The following SCML2 variants were observed in gnomAD, a reference collection of about 807,000 sequenced individuals.
SCML2 encodes the protein sex comb on midleg-like protein 2.
Under a neutral mutation model 48.4 loss-of-function variants are expected in SCML2, and 6 were observed. That is an observed-to-expected ratio of 0.12 (90% CI 0.07 to 0.24). The LOEUF is 0.24. Among genes scored for constraint, SCML2 ranks in the 10% least tolerant of loss-of-function variants. The pLI is 1.00. For missense variants in SCML2, 377 were observed against 528.2 expected, an observed-to-expected ratio of 0.71 and a Z score of 2.81; for synonymous variants, 181 against 189.5, an observed-to-expected ratio of 0.95 and a Z score of 0.37.
intron 1 of SCML2, among the ~76,000 whole-genome samples, chrX:18,342,824 T>C (rs1454096511): frequency 2.7e-5 from 3 of 112,237 alleles, no homozygotes; most frequent in Non-Finnish European, 5.6e-5. Flanking sequence ...TTGCAGATTG[T>C]ATCTTGTTAC....
intron 7 of SCML2, among the ~76,000 whole-genome samples, chrX:18,275,001 C>G (rs1267357529): frequency 1.8e-5 from 2 of 112,173 alleles, no homozygotes; most frequent in Non-Finnish European, 3.8e-5. Context: ...ATAACTCTTT[C>G]AACCAATTGC....
intron 1 of SCML2, among the ~76,000 whole-genome samples, chrX:18,348,537 C>A (rs944511731): frequency 3.6e-5 from 4 of 111,799 alleles, no homozygotes; most frequent in Admixed American, 1.9e-4. Context: ...CAAAAAAAAT[C>A]TCAAATCAGA....
intron 11 of SCML2, among the ~76,000 whole-genome samples, chrX:18,248,104 G>A (rs1309099488): frequency 9.0e-6 from 1 of 111,553 alleles, no homozygotes; most frequent in South Asian, 3.7e-4. Context: ...TTTCCAGAAG[G>A]AGCATATCTA....
At chrX:18,310,514 C>A (rs1157534869) in intron 6 of SCML2, among the ~76,000 whole-genome samples, 1 of 111,023 alleles carries the variant, frequency 9.0e-6, no homozygotes, top group East Asian at 2.8e-4. Context: ...GATCCACCCA[C>A]CTCGGCCTCC....
chrX:18,307,665 C>G (rs968272806), intron 6 of SCML2, among the ~76,000 whole-genome samples: 1 of 111,726 alleles, frequency 9.0e-6, no homozygotes, highest in African/African-American at 3.3e-5. Context: ...TGCAATAGAA[C>G]TAATTTTAAG....
At chrX:18,334,445 A>G (rs935130828) in intron 1 of SCML2, among the ~76,000 whole-genome samples, 1 of 111,826 alleles carries the variant, frequency 8.9e-6, no homozygotes, top group African/African-American at 3.2e-5. Context: ...TTTAAAATTA[A>G]TTGAGTAAAA....
At chrX:18,246,927 C>A in intron 12 of SCML2, 99 bp from the exon 13 acceptor site, 1 of 890,364 alleles carries the variant, frequency 1.1e-6, no homozygotes, top group Non-Finnish European at 1.6e-6. Flanking sequence ...GTTCACTTAA[C>A]TTGTGCTATA....
At chrX:18,260,975 G>A (rs1235774331) in intron 8 of SCML2, among the ~76,000 whole-genome samples, 1 of 109,393 alleles carries the variant, frequency 9.1e-6, no homozygotes, top group East Asian at 2.8e-4. Flanking sequence ...AGGGACTCCT[G>A]TGCATAGAAA....
chrX:18,313,711 T>C (rs959309522), intron 6 of SCML2, among the ~76,000 whole-genome samples: 5 of 111,922 alleles, frequency 4.5e-5, no homozygotes, highest in African/African-American at 1.6e-4. Context: ...ACCTTAACCA[T>C]TCTCCTTGAG....
At chrX:18,281,992 G>A (rs1439030081) in intron 7 of SCML2, among the ~76,000 whole-genome samples, 7 of 106,943 alleles carry the variant, frequency 6.5e-5, no homozygotes, top group East Asian at 3.1e-4. Flanking sequence ...GCGTGGTGGC[G>A]TGCACCTGTA....
At chrX:18,253,504 A>G (rs1926737361) in intron 11 of SCML2, among the ~76,000 whole-genome samples, 1 of 111,908 alleles carries the variant, frequency 8.9e-6, no homozygotes, top group Non-Finnish European at 1.9e-5. Context: ...ATGGACAGAA[A>G]AGATCAAAGA....
intron 11 of SCML2, among the ~76,000 whole-genome samples, chrX:18,254,063 T>C (rs1926756113): frequency 8.9e-6 from 1 of 111,870 alleles, no homozygotes; most frequent in Non-Finnish European, 1.9e-5. Flanking sequence ...AGGGTACTAG[T>C]AATAGCTACT....
At chrX:18,353,564 T>C (rs145926052) in intron 1 of SCML2, among the ~76,000 whole-genome samples, 4,640 of 112,779 alleles carry the variant, frequency 0.041, 95 homozygotes, top group Non-Finnish European at 0.064. Context: ...AAGTAAGTCA[T>C]AAACGTTAAT....
intron 8 of SCML2, among the ~76,000 whole-genome samples, chrX:18,264,179 T>C (rs1274872384): frequency 2.7e-5 from 3 of 111,651 alleles, no homozygotes; most frequent in Non-Finnish European, 5.6e-5. Flanking sequence ...TATTGGACCT[T>C]TGATATTATC....
intron 11 of SCML2, among the ~76,000 whole-genome samples, chrX:18,250,001 C>T (rs948443971): frequency 3.6e-5 from 4 of 111,142 alleles, no homozygotes; most frequent in East Asian, 5.6e-4. Flanking sequence ...CAGAATTAGT[C>T]GAGGAAAAGT....
intron 7 of SCML2, among the ~76,000 whole-genome samples, chrX:18,276,419 G>A (rs1927640088): frequency 9.0e-6 from 1 of 111,669 alleles, no homozygotes; most frequent in Non-Finnish European, 1.9e-5. Context: ...ATATATATGT[G>A]AGTGGAATTG....
chrX:18,334,212 G>T, intron 1 of SCML2, 117 bp from the exon 2 acceptor site: 1 of 472,648 alleles, frequency 2.1e-6, no homozygotes, highest in Non-Finnish European at 3.5e-6. Context: ...AAAATGATAA[G>T]ATTTGTATAT....
chrX:18,335,965 T>C (rs1209367507), intron 1 of SCML2, among the ~76,000 whole-genome samples: 1 of 111,840 alleles, frequency 8.9e-6, no homozygotes, highest in Non-Finnish European at 1.9e-5. Context: ...ATTTACATCA[T>C]CTTATTTCAA....
At chrX:18,242,308 A>C (rs753640908) in intron 14 of SCML2, 131 bp downstream of exon 14, 1 of 662,866 alleles carries the variant, frequency 1.5e-6, no homozygotes, top group South Asian at 4.2e-5. Context: ...TGGGAAAAAT[A>C]ACCTCTCTCA....
Sources: allele counts gnomAD v4.1 joint callset (sites outside exome capture counted in the v4.1 genomes callset), GRCh38; gene constraint gnomAD v4.1.1; transcripts MANE v1.5; gene names NCBI Gene and HGNC (gene_info 2026-07-23, HGNC 2026-07-21).